The following UBL3 variants were observed in gnomAD, a reference collection of about 807,000 sequenced individuals.
UBL3 encodes the protein ubiquitin-like protein 3.
In UBL3, 6 loss-of-function variants were observed where a neutral mutation model predicts 18.4. That is an observed-to-expected ratio of 0.33 (90% CI 0.18 to 0.64). The LOEUF (loss-of-function observed/expected upper bound fraction) is 0.64. Ranked by LOEUF, UBL3 falls within the 30% of genes least tolerant of loss-of-function variation. The pLI is 0.76. For missense variants in UBL3, 109 were observed against 142.9 expected (o/e 0.76, Z 1.21); for synonymous variants, 49 against 46.6 (o/e 1.05, Z -0.21).
At chr13:29,779,551 G>A (rs1877089260) in intron 1 of UBL3, among the ~76,000 whole-genome samples, 1 of 151,982 alleles carries the variant, frequency 6.6e-6, no homozygotes, top group African/African-American at 2.4e-5. Flanking sequence ...TAGTCTTTAG[G>A]ATCTGTAAAG....
At position 29,764,702 on chromosome 13, in the gene UBL3, G is replaced by A. The variant is rs1031607552; in HGVS notation, c.*2553C>T. The A allele has an allele frequency of 6.6e-6, 1 of 152,162 alleles. No individual in the cohort carries two copies. The highest frequency in any genetic ancestry group is 1.5e-5 in the Non-Finnish European group (1 of 68,042). The allele number at this position is 152,162 out of a possible 1,614,324, so 9.4% of individuals were successfully genotyped here. On this transcript the variant is annotated 3_prime_UTR_variant, in exon 5 of 5. Coordinates refer to ENST00000380680, the MANE Select transcript of UBL3 (RefSeq NM_007106.4). ...ACTTAACAAAGTTCAGGACAATTTA[G>A]GTAAAAGAGATGAGTGAGACACCAG...
rs1004511866 is a variant in UBL3, at chr13:29,849,785, C to A, written c.-247G>T. The A allele has an allele frequency of 5.8e-6, 3 of 513,996 alleles. No homozygotes were observed. The highest frequency in any genetic ancestry group is 1.0e-5 in the Non-Finnish European group (3 of 288,122). The allele number at this position is 513,996 out of a possible 1,614,324, so 31.8% of individuals were successfully genotyped here. On this transcript the variant is annotated 5_prime_UTR_variant, in exon 1 of 5. Transcript: ENST00000380680. ...CTCCCGGGACAGCAGAGGCAGCCCCCGTCGTCGTCGTCGTCGTCAACAGCA... is the reference window on the plus strand; with the variant it reads ...CTCCCGGGACAGCAGAGGCAGCCCCAGTCGTCGTCGTCGTCGTCAACAGCA...
intron 1 of UBL3, among the ~76,000 whole-genome samples, chr13:29,824,728 A>G (rs1220515101): frequency 6.6e-6 from 1 of 152,146 alleles, no homozygotes; most frequent in Admixed American, 6.5e-5. Context: ...CCATTTGTGA[A>G]TTTTGGCTTT....
chr13:29,774,276 G>T (rs1228666197), intron 2 of UBL3, among the ~76,000 whole-genome samples: 2 of 151,940 alleles, frequency 1.3e-5, no homozygotes, highest in Non-Finnish European at 2.9e-5. Flanking sequence ...GAAAGTAAAA[G>T]TATTTCTTTT....
chr13:29,833,615 T>C (rs1165425351), intron 1 of UBL3, among the ~76,000 whole-genome samples: 1 of 152,200 alleles, frequency 6.6e-6, no homozygotes, highest in Non-Finnish European at 1.5e-5. Flanking sequence ...GACTCCTGCA[T>C]AAATGTCAAC....
chr13:29,804,934 G>A (rs568641809), intron 1 of UBL3, among the ~76,000 whole-genome samples: 83 of 152,228 alleles, frequency 5.5e-4, no homozygotes, highest in African/African-American at 2.0e-3. Context: ...CTAATGATCT[G>A]AACATACACA....
intron 1 of UBL3, among the ~76,000 whole-genome samples, chr13:29,823,977 G>A (rs866781285): frequency 5.3e-5 from 8 of 151,576 alleles, no homozygotes; most frequent in East Asian, 1.9e-4. Flanking sequence ...CTGTCCTTGC[G>A]ATAGTTTGCT....
chr13:29,804,099 C>A (rs554981765), intron 1 of UBL3, among the ~76,000 whole-genome samples: 8 of 150,084 alleles, frequency 5.3e-5, no homozygotes, highest in Non-Finnish European at 1.0e-4. Context: ...AAAAAAAAAA[C>A]CTGAAATTAT....
chr13:29,788,837 A>AAG (rs1400444112), intron 1 of UBL3, among the ~76,000 whole-genome samples: 1 of 124,402 alleles, frequency 8.0e-6, no homozygotes, highest in East Asian at 2.7e-4. Context: ...CTTAATGGGG[A>AAG]AGTGTGTGTG....
intron 1 of UBL3, among the ~76,000 whole-genome samples, chr13:29,830,148 T>TC (rs1878737371): frequency 6.6e-6 from 1 of 152,228 alleles, no homozygotes; most frequent in Non-Finnish European, 1.5e-5. Context: ...TAGACTGCTA[T>TC]CCCTTTTGTC....
At position 29,765,883 on chromosome 13, in the gene UBL3, T is replaced by TAGTC. The variant is rs1555231621; in HGVS notation, c.*1371_*1372insGACT. The TAGTC allele has an allele frequency of 2.0e-5, 3 of 152,442 alleles. No individual in the cohort carries two copies. Among genetic ancestry groups the TAGTC allele is most frequent in the Admixed American group, 6.6e-5 (1 of 15,256 alleles). 9.4% of individuals were successfully genotyped at this position (152,442 alleles called of 1,614,324 possible). On this transcript the variant is annotated 3_prime_UTR_variant, in exon 5 of 5. Coordinates refer to ENST00000380680, the MANE Select transcript of UBL3 (RefSeq NM_007106.4). The stretch of plus-strand genomic sequence containing the variant: ...AATGTTTGTAAGGGCTGTTGACACT[T>TAGTC]AGTACAGAATGTAATGTCAGCCTGC...
intron 1 of UBL3, among the ~76,000 whole-genome samples, chr13:29,801,136 C>A (rs894061719): frequency 6.6e-6 from 1 of 152,152 alleles, no homozygotes; most frequent in African/African-American, 2.4e-5. Flanking sequence ...CCCTTGCCAC[C>A]CTCAAGCTGA....
At chr13:29,831,993 A>C (rs970752612) in intron 1 of UBL3, among the ~76,000 whole-genome samples, 8 of 152,238 alleles carry the variant, frequency 5.3e-5, no homozygotes, top group African/African-American at 1.9e-4. Context: ...GAAAGTGCCC[A>C]ATAGACACAA....
intron 2 of UBL3, among the ~76,000 whole-genome samples, chr13:29,773,689 C>T (rs1220322609): frequency 6.6e-6 from 1 of 152,036 alleles, no homozygotes; most frequent in Non-Finnish European, 1.5e-5. Flanking sequence ...CTCCCTTCCC[C>T]TCTCCAGGGA....
chr13:29,806,932 A>C (rs775170675), intron 1 of UBL3, among the ~76,000 whole-genome samples: 8 of 152,110 alleles, frequency 5.3e-5, no homozygotes, highest in Non-Finnish European at 1.2e-4. Flanking sequence ...CTACTGTGAG[A>C]TTGTATTTCC....
intron 1 of UBL3, among the ~76,000 whole-genome samples, chr13:29,789,077 T>C (rs1877418516): frequency 1.3e-5 from 2 of 152,118 alleles, no homozygotes. Flanking sequence ...TTTTGCATTT[T>C]TAGTAGAGAT....
intron 1 of UBL3, among the ~76,000 whole-genome samples, chr13:29,843,243 A>G (rs562701961): frequency 6.6e-6 from 1 of 152,360 alleles, no homozygotes; most frequent in East Asian, 1.9e-4. Flanking sequence ...ACATACACAT[A>G]GTATAAAACA....
intron 1 of UBL3, among the ~76,000 whole-genome samples, chr13:29,798,656 G>A (rs1027791086): frequency 1.2e-4 from 19 of 152,142 alleles, no homozygotes; most frequent in African/African-American, 3.6e-4. Flanking sequence ...TGAATCAAGT[G>A]TAATTAGAAA....
chr13:29,826,962 C>T (rs1049513650), intron 1 of UBL3, among the ~76,000 whole-genome samples: 8 of 152,184 alleles, frequency 5.3e-5, no homozygotes. Context: ...CATTCCGGAG[C>T]TTGCTGTTCA....
Sources: allele counts gnomAD v4.1 joint callset (sites outside exome capture counted in the v4.1 genomes callset), GRCh38; gene constraint gnomAD v4.1.1; transcripts MANE v1.5; gene names NCBI Gene and HGNC (gene_info 2026-07-23, HGNC 2026-07-21).